DDX31: variants seen among roughly 807,000 people sequenced by gnomAD.
DDX31 encodes the protein DEAD-box helicase 31.
In DDX31, 70 loss-of-function variants were observed where a neutral mutation model predicts 91.3. That is an observed-to-expected ratio of 0.77 (90% CI 0.63 to 0.94). DDX31 has a LOEUF of 0.94. Among genes scored for constraint, DDX31 ranks in the 40% least tolerant of loss-of-function variants. DDX31 has a pLI of 0.00. For synonymous variants in DDX31, 362 were observed against 350.6 expected (o/e 1.03, Z -0.36); for missense variants, 902 against 925.0 (o/e 0.98, Z 0.32).
chr9:132,637,533 G>C (rs867758789), intron 14 of DDX31, among the ~76,000 whole-genome samples: 6 of 152,166 alleles, frequency 3.9e-5, no homozygotes, highest in African/African-American at 9.7e-5. Context: ...GGGAGAGGGG[G>C]CCTGCCGTCT....
intron 1 of DDX31, among the ~76,000 whole-genome samples, chr9:132,665,060 A>G (rs1835221891): frequency 6.6e-6 from 1 of 152,198 alleles, no homozygotes; most frequent in Admixed American, 6.5e-5. Context: ...CGACAAAATA[A>G]TAAGCATAGC....
chr9:132,604,288 C>T (rs191524831), intron 19 of DDX31, among the ~76,000 whole-genome samples: 1 of 152,272 alleles, frequency 6.6e-6, no homozygotes, highest in East Asian at 1.9e-4. Context: ...TCACCTTCCA[C>T]AGTAGTGCTC....
At chr9:132,598,979 G>T (rs935067540) in intron 19 of DDX31, among the ~76,000 whole-genome samples, 1 of 152,156 alleles carries the variant, frequency 6.6e-6, no homozygotes, top group South Asian at 2.1e-4. Context: ...GTCTTGAAAC[G>T]CTCCTCTAGA....
intron 19 of DDX31, among the ~76,000 whole-genome samples, chr9:132,596,433 G>A (rs1046742642): frequency 6.6e-6 from 1 of 152,164 alleles, no homozygotes; most frequent in African/African-American, 2.4e-5. Flanking sequence ...CTGAAACAAG[G>A]GGACAATGAA....
In DDX31 at chr9:132,662,265, T is replaced by C. The variant is rs1835013731; in HGVS notation, c.404A>G (p.His135Arg). ...AAAACACTGAAAGGTACTTACTAAA[T>C]GTGGGTGGAGGCCCAGCTCATGAAA... ...AAFHELGLHP[H>R]LISTINTVLK... The change falls in exon 3 of 20, where the codon CAT (histidine) becomes CGT (arginine). Residue 135 changes from histidine to arginine, a missense_variant. Physicochemically the swap from His to Arg is conservative, Grantham distance 29 (BLOSUM62 0). Coordinates refer to ENST00000372159, the MANE Select transcript of DDX31 (RefSeq NM_022779.9). The C allele has an allele frequency of 6.2e-7, 1 of 1,614,170 alleles. No homozygotes were observed. Among genetic ancestry groups the C allele is most frequent in the Non-Finnish European group, 8.5e-7 (1 of 1,180,026 alleles).
At chr9:132,648,402 T>A in intron 10 of DDX31, 30 bp downstream of exon 10, 1 of 1,611,382 alleles carries the variant, frequency 6.2e-7, no homozygotes. Context: ...CCTTCTCTTC[T>A]ACCTGTTATC....
At chr9:132,619,659 C>T (rs117834491) in intron 17 of DDX31, among the ~76,000 whole-genome samples, 2 of 152,306 alleles carry the variant, frequency 1.3e-5, no homozygotes, top group East Asian at 1.9e-4. Flanking sequence ...GACAGTCTCG[C>T]TGATTTCACA....
At chr9:132,658,314 C>A in intron 6 of DDX31, 1 of 703,322 alleles carries the variant, frequency 1.4e-6, no homozygotes, top group South Asian at 1.5e-5. Context: ...ATTTAACTTT[C>A]CTAAGCCTCT....
intron 1 of DDX31, among the ~76,000 whole-genome samples, chr9:132,663,948 C>T (rs1477809142): frequency 6.6e-6 from 1 of 152,162 alleles, no homozygotes; most frequent in East Asian, 1.9e-4. Flanking sequence ...GTGCAGACTT[C>T]ACCTGATTTA....
chr9:132,661,096 G>A, intron 4 of DDX31, 112 bp downstream of exon 4: 1 of 867,290 alleles, frequency 1.2e-6, no homozygotes, highest in East Asian at 2.4e-5. Flanking sequence ...TCGATAACCT[G>A]GCACTGTGTT....
chr9:132,593,262 C>T lies in DDX31; in HGVS notation c.*1604G>A, dbSNP rs1171748510. ...CCAGGGATGCCGAACTCTGCCAATT[C>T]GCCCTTTAGTGGAATGAGTACTGGG... On this transcript the variant is annotated 3_prime_UTR_variant, in exon 20 of 20. Coordinates refer to ENST00000372159, the MANE Select transcript of DDX31 (RefSeq NM_022779.9). 1.3e-5 allele frequency: 2 copies of T among 152,160 alleles called. No homozygotes were observed. Among genetic ancestry groups the T allele is most frequent in the Non-Finnish European group, 2.9e-5 (2 of 68,030 alleles). 9.4% of individuals were successfully genotyped at this position (152,160 alleles called of 1,614,324 possible).
At chr9:132,649,966 T>C (rs913069596) in intron 9 of DDX31, among the ~76,000 whole-genome samples, 5 of 152,216 alleles carry the variant, frequency 3.3e-5, no homozygotes, top group African/African-American at 4.8e-5. Context: ...AGGGATGCTA[T>C]AGAGCATTGG....
Position 132,658,743 on chromosome 9 carries a change from A to G in DDX31, c.524-8T>C. On this transcript the variant is annotated splice_region_variant and splice_polypyrimidine_tract_variant and intron_variant, in intron 5 of 19. Transcript: ENST00000372159. ...AATAGGCAAGAGTTTTACCTTTCAA[A>G]AAAAAAGCAGAAGCAATTAAAATCA... The G allele has an allele frequency of 6.2e-7, 1 of 1,612,878 alleles. No individual in the cohort carries two copies. Among genetic ancestry groups the G allele is most frequent in the Admixed American group, 1.7e-5 (1 of 59,856 alleles).
In DDX31 at chr9:132,648,563, T is replaced by C; in HGVS notation, c.741-12A>G. 1 of 1,598,220 alleles carries C rather than the reference T, an allele frequency of 6.3e-7. No individual in the cohort carries two copies. Among genetic ancestry groups the C allele is most frequent in the South Asian group, 1.1e-5 (1 of 88,110 alleles). ...TTCCTTTGCGGAGTCTGTTTAAAAT[T>C]ATATATCATAAAAGAAAGTAAATCA... is the stretch of plus-strand genomic sequence containing the variant. On this transcript the variant is annotated splice_polypyrimidine_tract_variant and intron_variant, in intron 9 of 19. Coordinates refer to ENST00000372159, the MANE Select transcript of DDX31 (RefSeq NM_022779.9).
At chr9:132,665,599 T>C (rs1276288231) in intron 1 of DDX31, among the ~76,000 whole-genome samples, 1 of 151,556 alleles carries the variant, frequency 6.6e-6, no homozygotes, top group African/African-American at 2.4e-5. Context: ...TAAAAATTAC[T>C]ACTAAAAATC....
chr9:132,632,014 C>T (rs1564304918), intron 15 of DDX31, 27 bp downstream of exon 15: 1 of 1,606,352 alleles, frequency 6.2e-7, no homozygotes, highest in African/African-American at 1.3e-5. Context: ...CTGCCTAAAG[C>T]TTACACCTTA....
chr9:132,667,379 T>C (rs1835383927), intron 1 of DDX31, among the ~76,000 whole-genome samples: 1 of 151,658 alleles, frequency 6.6e-6, no homozygotes, highest in African/African-American at 2.4e-5. Flanking sequence ...GGTGGGCAGA[T>C]CACAAGGTCG....
Position 132,595,182 on chromosome 9 carries a change from G to A in DDX31, c.1995-70C>T. On this transcript the variant is annotated intron_variant, in intron 19 of 19. Coordinates refer to ENST00000372159, the MANE Select transcript of DDX31 (RefSeq NM_022779.9). The surrounding 1 kb of genome is among the most constrained non-coding windows in gnomAD (Gnocchi z 4.6). Reference sequence around the variant, plus strand: ...TTTCTTTCCCATTTGGAAAGAGGCTGATAGCAGCTGGTTCTGAGACTGTGA... The same window carrying A: ...TTTCTTTCCCATTTGGAAAGAGGCTAATAGCAGCTGGTTCTGAGACTGTGA... 3 of 1,551,130 alleles carry A rather than the reference G, an allele frequency of 1.9e-6. No homozygotes were observed. The highest frequency in any genetic ancestry group is 2.4e-5 in the South Asian group (2 of 82,154).
chr9:132,669,825 G>A (rs939520829), intron 1 of DDX31, 35 bp downstream of exon 1: 5 of 1,544,342 alleles, frequency 3.2e-6, no homozygotes, highest in Middle Eastern at 3.5e-4. Context: ...CCGGGCCGCG[G>A]GTGGGGACGG....
Sources: allele counts gnomAD v4.1 joint callset (sites outside exome capture counted in the v4.1 genomes callset), GRCh38; gene constraint gnomAD v4.1.1; non-coding constraint Gnocchi (gnomAD v3.1); transcripts MANE v1.5; gene names NCBI Gene and HGNC (gene_info 2026-07-23, HGNC 2026-07-21).